The following USP24 variants were observed in gnomAD, a reference collection of about 807,000 sequenced individuals.
The protein encoded by USP24 is ubiquitin specific peptidase 24.
USP24 carries 97 observed loss-of-function variants against 361.6 expected under a neutral mutation model. The ratio of observed to expected loss-of-function variants is 0.27; its 90% CI spans 0.23 to 0.32. The LOEUF is 0.32. Among genes scored for constraint, USP24 ranks in the 10% least tolerant of loss-of-function variants. USP24 has a pLI of 1.00. For missense variants in USP24, 2,353 were observed against 3,165.6 expected, an observed-to-expected ratio of 0.74 and a Z score of 6.16; for synonymous variants, 1,098 against 1,124.6, an observed-to-expected ratio of 0.98 and a Z score of 0.47.
intron 1 of USP24, among the ~76,000 whole-genome samples, chr1:55,190,240 C>T (rs1331990784): frequency 6.6e-6 from 1 of 151,626 alleles, no homozygotes; most frequent in Admixed American, 6.6e-5. Context: ...CATGTTGCCT[C>T]CTAGGCAGTT....
intron 1 of USP24, among the ~76,000 whole-genome samples, chr1:55,206,819 T>C (rs75100890): frequency 0.016 from 2,391 of 152,176 alleles, 50 homozygotes; most frequent in African/African-American, 0.054. Context: ...ATAATAGTGT[T>C]GCTATTCACA....
chr1:55,154,152 G>T lies in USP24; in HGVS notation c.1779C>A (p.Ser593Arg). ...AYAVKEAIKR[S>R]YIIKCIEDIK... ...TATCTTCTATGCACTTGATGATGTA[G>T]CTCCTCTTGATTGCTTCTTTCACTG... The change falls in exon 15 of 68, where the codon AGC (serine) becomes AGA (arginine). Residue 593 changes from serine (S) to arginine (R), a missense_variant. By Grantham distance (110) the Ser-to-Arg change is moderately radical (BLOSUM62 -1). This residue lies in a region of USP24 where 386 missense variants were observed against 560.5 expected (regional missense o/e 0.69). Coordinates refer to ENST00000294383, the MANE Select transcript of USP24 (RefSeq NM_015306.3). The T allele has an allele frequency of 6.2e-7, 1 of 1,613,598 alleles. No homozygotes were observed. The highest frequency in any genetic ancestry group is 1.1e-5 in the South Asian group (1 of 91,078).
rs563419830 is a variant in USP24 at position 55,187,155 on chromosome 1, T to C, written c.325-9023A>G. Among the ~76,000 whole-genome samples, 3 of 151,958 alleles carry C rather than the reference T, an allele frequency of 2.0e-5. No homozygotes were observed. The East Asian group carries it at 5.8e-4, about 29-fold the overall frequency. On this transcript the variant is annotated intron_variant, in intron 1 of 67. Coordinates refer to ENST00000294383, the MANE Select transcript of USP24 (RefSeq NM_015306.3). ...AAAACCAATCAATATAATAACACCA[T>C]AGTAACAGAATAAAGGACATAAAAA...
chr1:55,119,702 T>C (rs1397279003), intron 38 of USP24, among the ~76,000 whole-genome samples: 1 of 151,914 alleles, frequency 6.6e-6, no homozygotes, highest in Admixed American at 6.6e-5. Context: ...GTTATATATA[T>C]AGATATATAT....
intron 38 of USP24, among the ~76,000 whole-genome samples, chr1:55,115,912 C>A (rs1352135892): frequency 6.6e-6 from 1 of 152,170 alleles, no homozygotes; most frequent in Non-Finnish European, 1.5e-5. Flanking sequence ...CAAACTAACA[C>A]AAGAACAGAA....
chr1:55,203,289 G>A (rs191978277), intron 1 of USP24, among the ~76,000 whole-genome samples: 2 of 152,268 alleles, frequency 1.3e-5, no homozygotes, highest in Non-Finnish European at 2.9e-5. Flanking sequence ...ACTTCCTCAG[G>A]TCAGAAGAAC....
intron 66 of USP24, 57 bp downstream of exon 66, chr1:55,072,260 C>T: frequency 6.8e-7 from 1 of 1,469,290 alleles, no homozygotes; most frequent in South Asian, 1.2e-5. Flanking sequence ...CTGAGAAACA[C>T]ACTGAAAATC....
chr1:55,176,518 A>G, intron 2 of USP24, 75 bp from the exon 3 acceptor site: 3 of 1,356,930 alleles, frequency 2.2e-6, no homozygotes, highest in Non-Finnish European at 3.1e-6. Context: ...GAATGAAATA[A>G]TACACGTTAT....
At chr1:55,173,072 G>T (rs1649613352) in intron 3 of USP24, among the ~76,000 whole-genome samples, 1 of 152,066 alleles carries the variant, frequency 6.6e-6, no homozygotes, top group Non-Finnish European at 1.5e-5. Context: ...AGAAATGAAT[G>T]CTGTATTGCA....
At chr1:55,095,434 A>G (rs573832559) in intron 50 of USP24, 38 bp from the exon 51 acceptor site, 22 of 1,549,700 alleles carry the variant, frequency 1.4e-5, no homozygotes, top group Non-Finnish European at 1.8e-5. Context: ...TCTGTAAATA[A>G]AAGTTTTTCT....
At chr1:55,098,440 G>A in intron 46 of USP24, 36 bp downstream of exon 46, 2 of 1,555,014 alleles carry the variant, frequency 1.3e-6, no homozygotes, top group Middle Eastern at 1.7e-4. Context: ...TCAAAAGGAT[G>A]ATCATTTTTC....
At chr1:55,210,834 C>G (rs1644830644) in intron 1 of USP24, among the ~76,000 whole-genome samples, 1 of 152,122 alleles carries the variant, frequency 6.6e-6, no homozygotes, top group South Asian at 2.1e-4. Context: ...TATCAGATCA[C>G]AGTATTAAAT....
At chr1:55,200,195 C>A (rs1358966165) in intron 1 of USP24, among the ~76,000 whole-genome samples, 1 of 152,170 alleles carries the variant, frequency 6.6e-6, no homozygotes, top group Non-Finnish European at 1.5e-5. Flanking sequence ...TCAAATTATA[C>A]CCAGTTTAAA....
At chr1:55,192,809 T>A (rs1242428434) in intron 1 of USP24, among the ~76,000 whole-genome samples, 1 of 152,244 alleles carries the variant, frequency 6.6e-6, no homozygotes, top group South Asian at 2.1e-4. Context: ...AGTCCCCATG[T>A]ATGAATACAT....
At chr1:55,086,061 G>A in intron 55 of USP24, 23 bp from the exon 56 acceptor site, 2 of 1,609,592 alleles carry the variant, frequency 1.2e-6, no homozygotes, top group Non-Finnish European at 8.5e-7. Flanking sequence ...GAAAGGTGGT[G>A]TGAAAAAGCA....
intron 5 of USP24, among the ~76,000 whole-genome samples, chr1:55,168,296 T>C (rs1395274473): frequency 6.6e-6 from 1 of 152,126 alleles, no homozygotes. Flanking sequence ...GAAGGCAGAA[T>C]GGAATGCCCT....
chr1:55,086,199 C>A, intron 55 of USP24, 161 bp from the exon 56 acceptor site: 1 of 632,896 alleles, frequency 1.6e-6, no homozygotes, highest in Non-Finnish European at 2.8e-6. Context: ...CACTTCACTT[C>A]TGCTTATTCC....
rs79318858 is a variant in USP24, at chr1:55,088,479, G to A, written c.6668+1148C>T. 2.5e-3 allele frequency among the ~76,000 whole-genome samples: 377 copies of A among 152,334 alleles called. 2 individuals are homozygous for A. Among genetic ancestry groups the A allele is most frequent in the Middle Eastern group, 0.02 (6 of 294 alleles). ...AAAGGGTCAACTTCCTTGAGAAGGT[G>A]TGCACATGTAGAGAGATTCATTTTG... On this transcript the variant is annotated intron_variant, in intron 55 of 67. Coordinates refer to ENST00000294383, the MANE Select transcript of USP24 (RefSeq NM_015306.3).
Position 55,089,744 on chromosome 1 carries a change from T to A in USP24, c.6555-4A>T. On this transcript the variant is annotated splice_polypyrimidine_tract_variant and splice_region_variant and intron_variant, in intron 54 of 67. Coordinates refer to ENST00000294383, the MANE Select transcript of USP24 (RefSeq NM_015306.3). ...AATCCATTCTTCAGTATCAACCCTT[T>A]AAAAAAAAGCAGATACAGCAATGTT... 1 of 1,571,192 alleles carries A rather than the reference T, an allele frequency of 6.4e-7. No individual in the cohort carries two copies. Among genetic ancestry groups the A allele is most frequent in the Admixed American group, 1.9e-5 (1 of 53,566 alleles).
Sources: allele counts gnomAD v4.1 joint callset (sites outside exome capture counted in the v4.1 genomes callset), GRCh38; gene constraint gnomAD v4.1.1; regional missense constraint gnomAD v4.1.1; transcripts MANE v1.5; gene names NCBI Gene and HGNC (gene_info 2026-07-23, HGNC 2026-07-21).